MEIKIN: variants seen among roughly 807,000 people sequenced by gnomAD.
The protein encoded by MEIKIN is meiosis-specific kinetochore protein.
intron 8 of MEIKIN, among the ~76,000 whole-genome samples, chr5:131,899,542 TAA>T (rs398065218): frequency 1.9e-4 from 24 of 125,370 alleles, no homozygotes; most frequent in Non-Finnish European, 2.6e-4. Flanking sequence ...TGAATGGATT[TAA>T]AAAAAAAAAA....
intron 8 of MEIKIN, among the ~76,000 whole-genome samples, chr5:131,889,273 T>C (rs953031993): frequency 6.6e-5 from 10 of 152,224 alleles, no homozygotes; most frequent in Non-Finnish European, 1.2e-4. Context: ...TTGATGGGGA[T>C]GGCATTGAAT....
intron 1 of MEIKIN, 66 bp downstream of exon 1, chr5:131,945,334 C>G: frequency 2.5e-6 from 1 of 398,988 alleles, no homozygotes; most frequent in South Asian, 1.3e-4. Context: ...GCACCCCCGC[C>G]CGCCCTCGGT....
At chr5:131,907,022 TA>T (rs1185915348) in intron 8 of MEIKIN, among the ~76,000 whole-genome samples, 1 of 152,042 alleles carries the variant, frequency 6.6e-6, no homozygotes, top group South Asian at 2.1e-4. Flanking sequence ...AAATAAAAGA[TA>T]AAAAATAACG....
intron 11 of MEIKIN, among the ~76,000 whole-genome samples, chr5:131,840,433 T>A (rs1749884819): frequency 6.6e-6 from 1 of 152,218 alleles, no homozygotes; most frequent in Admixed American, 6.5e-5. Context: ...GAAGTTATCA[T>A]GAAAGATAAG....
chr5:131,816,837 T>C (rs73788772), intron 12 of MEIKIN, among the ~76,000 whole-genome samples: 4,034 of 152,282 alleles, frequency 0.026, 188 homozygotes, highest in African/African-American at 0.092. Context: ...AAGTCAGCAC[T>C]GTAAATTAGG....
chr5:131,871,971 G>A (rs1750511331), intron 9 of MEIKIN, among the ~76,000 whole-genome samples: 1 of 152,132 alleles, frequency 6.6e-6, no homozygotes, highest in Non-Finnish European at 1.5e-5. Flanking sequence ...CAAACAGGAA[G>A]GACATCCACC....
chr5:131,807,764 G>C (rs1355632918), intron 12 of MEIKIN, among the ~76,000 whole-genome samples: 5 of 152,212 alleles, frequency 3.3e-5, no homozygotes, highest in Non-Finnish European at 7.3e-5. Context: ...AAGAGATCCA[G>C]AGTGGAACCA....
Position 131,807,101 on chromosome 5 carries a change from TAG to T in MEIKIN, c.*133_*134del, listed in dbSNP as rs2149598879. On this transcript the variant is annotated 3_prime_UTR_variant, in exon 13 of 13. Transcript: ENST00000442687. Reference sequence around the variant, plus strand: ...CAAGAACCTCAGTAGAATTTCAACATAGAGATATATCACAAATAACTGGAGAA... The same window carrying T: ...CAAGAACCTCAGTAGAATTTCAACATAGATATATCACAAATAACTGGAGAA... The T allele has an allele frequency of 2.5e-6, 1 of 394,754 alleles. No homozygotes were observed. Among genetic ancestry groups the T allele is most frequent in the African/African-American group, 2.1e-5 (1 of 48,612 alleles). The allele number at this position is 394,754 out of a possible 1,614,324, so 24.5% of individuals were successfully genotyped here. A position where few individuals can be genotyped will look rare whatever the true frequency, so the allele number is the denominator to read the frequency against.
chr5:131,940,319 CTCTAG>C lies in MEIKIN; in HGVS notation c.349+2311_349+2315del, dbSNP rs531301488. 1.3e-4 allele frequency among the ~76,000 whole-genome samples: 20 copies of C among 152,306 alleles called. No homozygotes were observed. In the East Asian group the frequency reaches 3.7e-3, roughly 28 times the overall value. Reference sequence around the variant, plus strand: ...TTGCACTGCATTCTAGGAAATATTCCTCTAGTCTATTTTCTAGCTCACTAATTTTA... The same window carrying C: ...TTGCACTGCATTCTAGGAAATATTCCTCTATTTTCTAGCTCACTAATTTTA... On this transcript the variant is annotated intron_variant, in intron 4 of 12. Transcript: ENST00000442687.
chr5:131,860,647 C>T (rs987358267), intron 9 of MEIKIN, among the ~76,000 whole-genome samples: 2 of 149,000 alleles, frequency 1.3e-5, no homozygotes, highest in African/African-American at 4.9e-5. Context: ...CGGGGTTTCA[C>T]TATCTTGGCC....
At chr5:131,902,632 A>G (rs1751178174) in intron 8 of MEIKIN, among the ~76,000 whole-genome samples, 1 of 152,144 alleles carries the variant, frequency 6.6e-6, no homozygotes, top group Non-Finnish European at 1.5e-5. Context: ...ATTTCTTTAT[A>G]GTAATGCAAA....
chr5:131,835,081 T>G (rs1173618566), intron 11 of MEIKIN, among the ~76,000 whole-genome samples: 3 of 152,136 alleles, frequency 2.0e-5, no homozygotes, highest in African/African-American at 7.2e-5. Context: ...TGGCCATTTG[T>G]ATGTCTTTTT....
intron 11 of MEIKIN, among the ~76,000 whole-genome samples, chr5:131,849,856 A>T (rs1268652677): frequency 6.6e-6 from 1 of 151,972 alleles, no homozygotes; most frequent in Non-Finnish European, 1.5e-5. Context: ...AATAAAAGGC[A>T]TCCAAATTGT....
At chr5:131,856,042 C>G (rs1750186738) in intron 9 of MEIKIN, among the ~76,000 whole-genome samples, 2 of 152,118 alleles carry the variant, frequency 1.3e-5, no homozygotes, top group South Asian at 4.1e-4. Context: ...TCCCTTCTGG[C>G]TTAAAAGCTT....
chr5:131,906,938 C>G, intron 8 of MEIKIN, among the ~76,000 whole-genome samples: 1 of 152,124 alleles, frequency 6.6e-6, no homozygotes, highest in East Asian at 1.9e-4. Context: ...AAGAAATAAT[C>G]TGCACACCAA....
intron 11 of MEIKIN, among the ~76,000 whole-genome samples, chr5:131,831,040 C>T (rs369683976): frequency 2.2e-4 from 34 of 152,044 alleles, no homozygotes; most frequent in Middle Eastern, 3.4e-3. Flanking sequence ...TGGGACTATA[C>T]GTGTGCGCCA....
At chr5:131,878,405 A>C in intron 9 of MEIKIN, among the ~76,000 whole-genome samples, 1 of 152,118 alleles carries the variant, frequency 6.6e-6, no homozygotes, top group Non-Finnish European at 1.5e-5. Flanking sequence ...GTCTCTACTA[A>C]AAATACAAAA....
intron 8 of MEIKIN, among the ~76,000 whole-genome samples, chr5:131,896,982 G>A (rs1751064390): frequency 6.6e-6 from 1 of 152,162 alleles, no homozygotes; most frequent in Admixed American, 6.5e-5. Flanking sequence ...TAGCATCGGT[G>A]GTCTTTACAA....
At chr5:131,849,499 T>C (rs1431085752) in intron 11 of MEIKIN, among the ~76,000 whole-genome samples, 1 of 10 alleles carries the variant, frequency 0.1, no homozygotes, top group African/African-American at 0.1. Flanking sequence ...AGAAACCTCT[T>C]TTCTTTATAT....
Sources: allele counts gnomAD v4.1 joint callset (sites outside exome capture counted in the v4.1 genomes callset), GRCh38; gene constraint gnomAD v4.1.1; transcripts MANE v1.5; gene names NCBI Gene and HGNC (gene_info 2026-07-23, HGNC 2026-07-21).